Variants in TMEM135 observed in about 807,000 individuals in gnomAD.
TMEM135 encodes the protein transmembrane protein 135, also known as peroxisomal membrane protein 52.
In TMEM135, 30 loss-of-function variants were observed where a neutral mutation model predicts 60.3. The observed-to-expected ratio is 0.50, with a 90% confidence interval of 0.37 to 0.68. TMEM135 has a LOEUF of 0.68. TMEM135 is among the 30% of genes least tolerant of loss of function. The pLI is 0.00. For missense variants in TMEM135, 468 were observed against 548.8 expected (o/e 0.85, Z 1.47); for synonymous variants, 190 against 186.7 (o/e 1.02, Z -0.14).
chr11:87,248,678 G>A (rs558255), intron 6 of TMEM135, among the ~76,000 whole-genome samples: 99,689 of 151,374 alleles, frequency 0.66, 33,378 homozygotes, highest in Non-Finnish European at 0.71. Flanking sequence ...TGATCAGATT[G>A]TACTGAATCT....
At chr11:87,064,471 C>G (rs1856608922) in intron 1 of TMEM135, among the ~76,000 whole-genome samples, 1 of 152,146 alleles carries the variant, frequency 6.6e-6, no homozygotes, top group Non-Finnish European at 1.5e-5. Flanking sequence ...ATTTCCATCA[C>G]CAGAAGGATC....
At chr11:87,100,991 G>T (rs572204342) in intron 4 of TMEM135, among the ~76,000 whole-genome samples, 15 of 152,328 alleles carry the variant, frequency 9.8e-5, no homozygotes, top group African/African-American at 3.4e-4. Context: ...GAAGGCAATT[G>T]TATTAATACC....
In TMEM135 at chr11:87,259,086, C is replaced by T. The variant is rs1273437189; in HGVS notation, c.509+22402C>T. 13 of 1,127,708 alleles carry T rather than the reference C, an allele frequency of 1.2e-5. 1 individual carries two copies. The highest frequency in any genetic ancestry group is 2.7e-6 in the Non-Finnish European group (2 of 747,982). 69.9% of individuals were successfully genotyped at this position (1,127,708 alleles called of 1,614,324 possible). A position where few individuals can be genotyped will look rare whatever the true frequency, so the allele number is the denominator to read the frequency against. On this transcript the variant is annotated intron_variant, in intron 6 of 14. Coordinates refer to ENST00000305494, the MANE Select transcript of TMEM135 (RefSeq NM_022918.4). ...CAAAGAGGGAGAGAAAGAAGAGGTTCTGGCCGCAGACCGGACCCTCTTCGG... is the reference window on the plus strand; with the variant it reads ...CAAAGAGGGAGAGAAAGAAGAGGTTTTGGCCGCAGACCGGACCCTCTTCGG...
At chr11:87,311,917 A>G (rs1173319017) in intron 10 of TMEM135, among the ~76,000 whole-genome samples, 2 of 151,766 alleles carry the variant, frequency 1.3e-5, no homozygotes, top group East Asian at 1.9e-4. Flanking sequence ...CAACTTTTCA[A>G]AATTATTGTT....
rs960468599 is a variant in TMEM135 at position 87,322,684 on chromosome 11, C to G, written c.*1351C>G. ...GTTGCAAAAGGAATTATAACCCATA[C>G]TTTAAAAATGCTTAATCCCTCATAT... On this transcript the variant is annotated 3_prime_UTR_variant, in exon 15 of 15. Coordinates refer to ENST00000305494, the MANE Select transcript of TMEM135 (RefSeq NM_022918.4). 4.4e-6 allele frequency: 2 copies of G among 453,906 alleles called. No individual in the cohort carries two copies. The highest frequency in any genetic ancestry group is 4.0e-5 in the African/African-American group (2 of 50,014). 28.1% of individuals were successfully genotyped at this position (453,906 alleles called of 1,614,324 possible).
At chr11:87,069,826 T>A (rs1237101183) in intron 2 of TMEM135, among the ~76,000 whole-genome samples, 1 of 152,180 alleles carries the variant, frequency 6.6e-6, no homozygotes, top group Non-Finnish European at 1.5e-5. Flanking sequence ...ATACCCAAGT[T>A]ACATGTCCTC....
chr11:87,097,553 C>T (rs559034335), intron 4 of TMEM135, among the ~76,000 whole-genome samples: 13 of 152,116 alleles, frequency 8.5e-5, no homozygotes, highest in Non-Finnish European at 1.6e-4. Flanking sequence ...ACCAAAGTGA[C>T]TATGTGAACA....
chr11:87,110,475 T>A (rs960601385), intron 4 of TMEM135, among the ~76,000 whole-genome samples: 1 of 151,418 alleles, frequency 6.6e-6, no homozygotes, highest in Admixed American at 6.6e-5. Flanking sequence ...AAAAAAAAAA[T>A]TGAATCCTGG....
At chr11:87,161,101 T>C (rs147786588) in intron 5 of TMEM135, among the ~76,000 whole-genome samples, 183 of 152,230 alleles carry the variant, frequency 1.2e-3, no homozygotes, top group African/African-American at 4.2e-3. Flanking sequence ...GGTTTCACCA[T>C]GTTGGCCAGC....
chr11:87,192,885 TG>T (rs1939845658), intron 5 of TMEM135, among the ~76,000 whole-genome samples: 1 of 152,130 alleles, frequency 6.6e-6, no homozygotes, highest in Non-Finnish European at 1.5e-5. Flanking sequence ...GTGGCAAAGG[TG>T]GGCAGATCAC....
chr11:87,191,429 G>T (rs1939796582), intron 5 of TMEM135, among the ~76,000 whole-genome samples: 1 of 152,060 alleles, frequency 6.6e-6, no homozygotes, highest in Non-Finnish European at 1.5e-5. Flanking sequence ...TTTTAGTAGA[G>T]ACAGAGTTTC....
intron 4 of TMEM135, among the ~76,000 whole-genome samples, chr11:87,114,198 A>G (rs970109441): frequency 6.6e-6 from 1 of 152,156 alleles, no homozygotes; most frequent in Admixed American, 6.5e-5. Context: ...AACCCAAGCA[A>G]GAGAAAAATA....
At chr11:87,156,806 C>G (rs1300385860) in intron 4 of TMEM135, among the ~76,000 whole-genome samples, 1 of 152,110 alleles carries the variant, frequency 6.6e-6, no homozygotes, top group Non-Finnish European at 1.5e-5. Context: ...TAAATGATAA[C>G]TTCCAAGTTG....
chr11:87,066,874 G>A (rs1184075411), intron 1 of TMEM135, among the ~76,000 whole-genome samples: 7 of 147,692 alleles, frequency 4.7e-5, no homozygotes, highest in African/African-American at 1.5e-4. Flanking sequence ...TCCGCCTCCC[G>A]GGTTCAAGCA....
At chr11:87,072,116 C>G (rs369409947) in intron 3 of TMEM135, among the ~76,000 whole-genome samples, 2 of 152,106 alleles carry the variant, frequency 1.3e-5, no homozygotes, top group East Asian at 3.9e-4. Flanking sequence ...TCACCCGAGT[C>G]CCCAGAGGTC....
At chr11:87,230,025 C>A (rs751555859) in intron 5 of TMEM135, among the ~76,000 whole-genome samples, 48 of 152,042 alleles carry the variant, frequency 3.2e-4, no homozygotes, top group Non-Finnish European at 6.6e-4. Context: ...TGGCATCCAA[C>A]CCTGCAATCT....
At chr11:87,280,472 C>G (rs1942041235) in intron 6 of TMEM135, among the ~76,000 whole-genome samples, 1 of 152,150 alleles carries the variant, frequency 6.6e-6, no homozygotes, top group Non-Finnish European at 1.5e-5. Context: ...CCTCTCAGTT[C>G]TCAGAATATC....
intron 5 of TMEM135, among the ~76,000 whole-genome samples, chr11:87,234,857 G>T (rs887967327): frequency 2.1e-4 from 32 of 151,758 alleles, no homozygotes; most frequent in African/African-American, 7.7e-4. Flanking sequence ...AGATAGGTTA[G>T]CATATTAGGA....
intron 4 of TMEM135, among the ~76,000 whole-genome samples, chr11:87,099,591 C>A (rs765819030): frequency 7.3e-5 from 11 of 151,058 alleles, no homozygotes; most frequent in Admixed American, 7.3e-4. Context: ...TATAAATATT[C>A]ATGTACAGAT....
Sources: gnomAD v4.1 joint callset for allele counts (sites outside exome capture counted in the v4.1 genomes callset) on GRCh38, gnomAD v4.1.1 for gene constraint, MANE v1.5 for transcripts, NCBI Gene and HGNC (gene_info 2026-07-23, HGNC 2026-07-21) for gene names.